The following CSMD1 variants were observed in gnomAD, a reference collection of about 807,000 sequenced individuals.
CSMD1 encodes the protein CUB and sushi domain-containing protein 1.
In CSMD1, 213 loss-of-function variants were observed where a neutral mutation model predicts 417.5. That is an observed-to-expected ratio of 0.51 (90% confidence interval 0.46 to 0.57). The LOEUF (loss-of-function observed/expected upper bound fraction) is 0.57, where lower values mean the gene tolerates loss of function less well. Ranked by LOEUF, CSMD1 falls within the 20% of genes least tolerant of loss-of-function variation. The probability of loss-of-function intolerance (pLI) is 0.00; values close to 1 mark genes in which losing one functional copy is unlikely to be tolerated. For missense variants in CSMD1, 6,923 were observed against 4,529.7 expected, an observed-to-expected ratio of 1.53 and a Z score of -15.17; for synonymous variants, 2,862 against 1,736.8, an observed-to-expected ratio of 1.65 and a Z score of -16.11.
chr8:3,029,702 G>A (rs77129098), intron 50 of CSMD1, among the ~76,000 whole-genome samples, 189 bp from the exon 51 acceptor site: 1,522 of 150,240 alleles, frequency 0.01, 24 homozygotes, highest in African/African-American at 0.035. Flanking sequence ...TATGTAAAAT[G>A]CATTCAATTG....
At chr8:4,043,917 A>AC (rs1305397040) in intron 3 of CSMD1, among the ~76,000 whole-genome samples, 1 of 152,190 alleles carries the variant, frequency 6.6e-6, no homozygotes, top group Non-Finnish European at 1.5e-5. Context: ...ATCTGTATAG[A>AC]CCTATGATAT....
chr8:3,888,759 T>C (rs944622870), intron 5 of CSMD1, among the ~76,000 whole-genome samples: 1 of 152,082 alleles, frequency 6.6e-6, no homozygotes, highest in Non-Finnish European at 1.5e-5. Flanking sequence ...AAACCGACCT[T>C]CCAAATGGTC....
In CSMD1 at chr8:3,600,793, G is replaced by A. The variant is rs975040656; in HGVS notation, c.1098-14533C>T. Among the ~76,000 whole-genome samples, 3 of 151,712 alleles carry A rather than the reference G, an allele frequency of 2.0e-5. No homozygotes were observed. The Middle Eastern group carries it at 0.01, about 516-fold the overall frequency. ...TAGCAGTCATTGTTCTTCCATGAAT[G>A]TTTTGTAACATTCATATGCATGTTT... On this transcript the variant is annotated intron_variant, in intron 8 of 69. Coordinates refer to ENST00000635120, the MANE Select transcript of CSMD1 (RefSeq NM_033225.6).
intron 58 of CSMD1, among the ~76,000 whole-genome samples, chr8:2,966,348 T>G (rs1261072948): frequency 6.6e-6 from 1 of 152,176 alleles, no homozygotes; most frequent in Non-Finnish European, 1.5e-5. Context: ...AATGTTTGAC[T>G]GAACTGGCCT....
intron 7 of CSMD1, among the ~76,000 whole-genome samples, chr8:3,672,121 C>T (rs73183309): frequency 5.9e-5 from 9 of 152,174 alleles, no homozygotes; most frequent in African/African-American, 2.2e-4. Context: ...AGGTTAGGTG[C>T]TGTCTACTTC....
Position 3,091,636 on chromosome 8 carries a change from C to T in CSMD1, c.7165G>A (p.Val2389Ile). 1 of 1,610,880 alleles carries T rather than the reference C, an allele frequency of 6.2e-7. No homozygotes were observed. Among genetic ancestry groups the T allele is most frequent in the Non-Finnish European group, 8.5e-7 (1 of 1,179,324 alleles). Residue 2389 changes from valine to isoleucine, a missense_variant, in exon 48 of 70, where the codon GTA (valine) becomes ATA (isoleucine). By Grantham distance (29) the Val-to-Ile change is conservative (BLOSUM62 3). Transcript: ENST00000635120. The stretch of plus-strand genomic sequence containing the variant: ...TCAGTATGATTCCCACTTAAGACTA[C>T]TAGCAGAGGACTTTGCCCAGAAGAA... Reference protein sequence around the residue: ...DGSSGQSPLLVVLSGNHTEQS... With the variant: ...DGSSGQSPLLIVLSGNHTEQS...
intron 23 of CSMD1, among the ~76,000 whole-genome samples, chr8:3,338,304 G>A (rs916237392): frequency 1.4e-4 from 22 of 152,236 alleles, no homozygotes; most frequent in Non-Finnish European, 1.5e-5. Flanking sequence ...GGCGTTTCTT[G>A]ACAAGTTGAG....
chr8:3,724,563 C>A (rs961210558), intron 6 of CSMD1, among the ~76,000 whole-genome samples: 10 of 152,180 alleles, frequency 6.6e-5, no homozygotes, highest in African/African-American at 2.4e-4. Flanking sequence ...TCTGAGCACC[C>A]TTCCTCTGGG....
chr8:3,314,598 G>C (rs186140819), intron 23 of CSMD1, among the ~76,000 whole-genome samples: 1 of 152,220 alleles, frequency 6.6e-6, no homozygotes, highest in East Asian at 1.9e-4. Context: ...TTGTTTTCTA[G>C]TGATTTCATT....
chr8:3,970,321 C>A (rs1381971762), intron 5 of CSMD1, among the ~76,000 whole-genome samples: 50 of 152,162 alleles, frequency 3.3e-4, no homozygotes, highest in Admixed American at 3.1e-3. Context: ...GTGATCAACA[C>A]AGAGAATCCT....
chr8:3,468,349 C>T (rs1441483111), intron 12 of CSMD1, among the ~76,000 whole-genome samples: 1 of 152,164 alleles, frequency 6.6e-6, no homozygotes, highest in African/African-American at 2.4e-5. Context: ...TTTTCAGATT[C>T]ACTATATTGT....
chr8:4,355,496 G>T (rs1010037405), intron 3 of CSMD1, among the ~76,000 whole-genome samples: 1 of 152,108 alleles, frequency 6.6e-6, no homozygotes, highest in South Asian at 2.1e-4. Flanking sequence ...TAGAGTGAAT[G>T]AAAGGGAACA....
chr8:4,366,010 G>C (rs1584963032), intron 3 of CSMD1, among the ~76,000 whole-genome samples: 1 of 152,214 alleles, frequency 6.6e-6, no homozygotes, highest in African/African-American at 2.4e-5. Flanking sequence ...GCTTGATTTA[G>C]GAATGAGCCT....
At chr8:4,537,460 A>C (rs183500153) in intron 2 of CSMD1, among the ~76,000 whole-genome samples, 7 of 152,142 alleles carry the variant, frequency 4.6e-5, no homozygotes, top group Non-Finnish European at 8.8e-5. Flanking sequence ...TCATATTACT[A>C]ATTGCTATAA....
chr8:3,488,360 G>A (rs565856578), intron 11 of CSMD1, among the ~76,000 whole-genome samples: 4 of 151,878 alleles, frequency 2.6e-5, no homozygotes, highest in Admixed American at 2.0e-4. Context: ...CTCCCTCCTC[G>A]GCTTCCCAAA....
intron 3 of CSMD1, among the ~76,000 whole-genome samples, chr8:4,318,384 T>C (rs1305279969): frequency 6.6e-6 from 1 of 152,110 alleles, no homozygotes; most frequent in East Asian, 1.9e-4. Context: ...CTCGTACACA[T>C]CTCTATTTGC....
At chr8:4,848,691 C>A (rs1211900274) in intron 1 of CSMD1, among the ~76,000 whole-genome samples, 1 of 152,080 alleles carries the variant, frequency 6.6e-6, no homozygotes, top group Non-Finnish European at 1.5e-5. Flanking sequence ...AGGCACCCAC[C>A]ACCACACCCA....
chr8:3,142,086 C>T (rs999548825), intron 41 of CSMD1, among the ~76,000 whole-genome samples: 1 of 152,068 alleles, frequency 6.6e-6, no homozygotes, highest in Non-Finnish European at 1.5e-5. Flanking sequence ...CGTGAGCCAC[C>T]GCGCCCGGCC....
chr8:4,105,440 A>C (rs560358009), intron 3 of CSMD1, among the ~76,000 whole-genome samples: 1 of 152,330 alleles, frequency 6.6e-6, no homozygotes, highest in East Asian at 1.9e-4. Flanking sequence ...GGTTAAACTC[A>C]TTAATGATGT....
Sources: allele counts gnomAD v4.1 joint callset (sites outside exome capture counted in the v4.1 genomes callset), GRCh38; gene constraint gnomAD v4.1.1; transcripts MANE v1.5; gene names NCBI Gene and HGNC (gene_info 2026-07-23, HGNC 2026-07-21).